Variants in FOXP1 observed in about 807,000 individuals in gnomAD.
FOXP1 encodes the protein forkhead box protein P1.
In FOXP1, 15 loss-of-function variants were observed where a neutral mutation model predicts 98.2. That is an observed-to-expected ratio of 0.15 (90% CI 0.10 to 0.24). FOXP1 has a LOEUF of 0.24. FOXP1 is among the 10% of genes least tolerant of loss of function. The pLI, the probability that FOXP1 is intolerant of heterozygous loss-of-function variation, is 1.00. For missense variants in FOXP1, 633 were observed against 848.5 expected (o/e 0.75, Z 3.15); for synonymous variants, 371 against 314.5 (o/e 1.18, Z -1.90).
intron 14 of FOXP1, among the ~76,000 whole-genome samples, chr3:70,982,500 C>G (rs926388312): frequency 6.6e-6 from 1 of 152,126 alleles, no homozygotes; most frequent in African/African-American, 2.4e-5. Flanking sequence ...TTCTACATGG[C>G]AAGTTTCCAT....
In FOXP1 at chr3:71,047,147, A is replaced by G. The variant is rs372260258; in HGVS notation, c.511-52T>C. 115 of 1,603,002 alleles carry G rather than the reference A, an allele frequency of 7.2e-5. No individual in the cohort carries two copies. In the African/African-American group the frequency reaches 1.4e-3, roughly 20 times the overall value. ...AGATGGCCACTTCCCAAGGAAGGTT[A>G]AAAGTATGGACACTTCAAAACTCAC... is the stretch of plus-strand genomic sequence containing the variant. On this transcript the variant is annotated intron_variant, in intron 9 of 20. Coordinates refer to ENST00000649528, the MANE Select transcript of FOXP1 (RefSeq NM_001349338.3).
chr3:71,160,804 C>T (rs1366058090), intron 6 of FOXP1, among the ~76,000 whole-genome samples: 1 of 152,136 alleles, frequency 6.6e-6, no homozygotes, highest in Non-Finnish European at 1.5e-5. Flanking sequence ...ATAATTAATA[C>T]AAATGTAGAA....
chr3:71,346,407 A>T (rs2077364280), intron 4 of FOXP1, among the ~76,000 whole-genome samples: 1 of 152,232 alleles, frequency 6.6e-6, no homozygotes, highest in Admixed American at 6.5e-5. Flanking sequence ...CACTGAGCAA[A>T]GAATTACGGT....
chr3:71,211,863 T>A (rs1476790420), intron 5 of FOXP1, among the ~76,000 whole-genome samples: 1 of 152,216 alleles, frequency 6.6e-6, no homozygotes, highest in Non-Finnish European at 1.5e-5. Context: ...TACCATATTG[T>A]TATTTTAAAA....
chr3:71,312,434 T>G (rs1222763197), intron 4 of FOXP1, among the ~76,000 whole-genome samples: 1 of 152,236 alleles, frequency 6.6e-6, no homozygotes, highest in African/African-American at 2.4e-5. Context: ...AAGCTCCCCT[T>G]GGAAGGAGCT....
chr3:71,084,292 C>A (rs2054777549), intron 7 of FOXP1, among the ~76,000 whole-genome samples: 2 of 152,052 alleles, frequency 1.3e-5, no homozygotes, highest in African/African-American at 4.8e-5. Context: ...CTTATGATGA[C>A]CATACTATTA....
At chr3:70,966,242 G>GT in intron 19 of FOXP1, 186 bp from the exon 20 acceptor site, 1 of 636,152 alleles carries the variant, frequency 1.6e-6, no homozygotes, top group Non-Finnish European at 2.8e-6. Flanking sequence ...CCCAAGCTTG[G>GT]TTTTGAAGAG....
intron 7 of FOXP1, among the ~76,000 whole-genome samples, chr3:71,111,364 A>C (rs1345344070): frequency 6.6e-6 from 1 of 151,846 alleles, no homozygotes; most frequent in African/African-American, 2.4e-5. Flanking sequence ...TTCTATTACA[A>C]TTTTCTACTT....
chr3:71,446,106 G>A (rs79346772), intron 3 of FOXP1, among the ~76,000 whole-genome samples: 2,215 of 152,208 alleles, frequency 0.015, 42 homozygotes, highest in African/African-American at 0.05. Flanking sequence ...CATTCAATGT[G>A]TCATCACGAT....
chr3:71,368,118 T>C (rs1353109878), intron 3 of FOXP1, among the ~76,000 whole-genome samples: 2 of 152,222 alleles, frequency 1.3e-5, no homozygotes, highest in East Asian at 3.9e-4. Flanking sequence ...ATTTAATTTT[T>C]ATTTTATTTA....
chr3:71,542,552 C>G (rs924747574), intron 2 of FOXP1, among the ~76,000 whole-genome samples: 1 of 152,240 alleles, frequency 6.6e-6, no homozygotes. Context: ...CCTGCCTCTT[C>G]CTTCAGCCTG....
chr3:71,494,817 G>C (rs2091296011), intron 2 of FOXP1, among the ~76,000 whole-genome samples: 1 of 151,284 alleles, frequency 6.6e-6, no homozygotes, highest in African/African-American at 2.4e-5. Context: ...GAGTCAAATG[G>C]CAAAGTCCTA....
chr3:71,332,745 T>A, intron 4 of FOXP1: 1 of 151,984 alleles, frequency 6.6e-6, no homozygotes, highest in Non-Finnish European at 1.5e-5. Context: ...CTCAAAAAAG[T>A]AAAAAATAAA....
intron 4 of FOXP1, among the ~76,000 whole-genome samples, chr3:71,308,808 G>GT (rs2074485849): frequency 9.3e-5 from 12 of 128,590 alleles, no homozygotes; most frequent in African/African-American, 3.6e-4. Flanking sequence ...TGTGTGTGTG[G>GT]GTGAGGGGGG....
intron 10 of FOXP1, among the ~76,000 whole-genome samples, chr3:71,045,772 A>AT (rs1260850788): frequency 2.0e-5 from 3 of 152,168 alleles, no homozygotes; most frequent in African/African-American, 7.2e-5. Context: ...AAAGATTCAA[A>AT]TGCAGACATG....
At chr3:70,988,575 G>A (rs920298418) in intron 13 of FOXP1, among the ~76,000 whole-genome samples, 1 of 152,198 alleles carries the variant, frequency 6.6e-6, no homozygotes. Flanking sequence ...AGGCTCCAAG[G>A]GATGACAGGT....
At chr3:71,337,940 G>A (rs567752664) in intron 4 of FOXP1, among the ~76,000 whole-genome samples, 1 of 152,332 alleles carries the variant, frequency 6.6e-6, no homozygotes, top group East Asian at 1.9e-4. Context: ...ACACAAGGAG[G>A]ACGAGGAAGC....
chr3:71,566,898 C>T (rs1165586834), intron 2 of FOXP1, among the ~76,000 whole-genome samples: 1 of 152,060 alleles, frequency 6.6e-6, no homozygotes, highest in Non-Finnish European at 1.5e-5. Context: ...ACACCCCATC[C>T]CCTGAAACAC....
chr3:70,959,481 G>T, intron 20 of FOXP1, 90 bp from the exon 21 acceptor site: 1 of 1,417,052 alleles, frequency 7.1e-7, no homozygotes. Flanking sequence ...CAGAAAAGCC[G>T]CACTCTAGAA....
Sources: allele counts gnomAD v4.1 joint callset (sites outside exome capture counted in the v4.1 genomes callset), GRCh38; gene constraint gnomAD v4.1.1; transcripts MANE v1.5; gene names NCBI Gene and HGNC (gene_info 2026-07-23, HGNC 2026-07-21).